The following RMDN2 variants were observed in gnomAD, a reference collection of about 807,000 sequenced individuals.
RMDN2 encodes regulator of microtubule dynamics 2, also known as regulator of microtubule dynamics protein 2.
A neutral mutation model predicts 52.8 loss-of-function variants in RMDN2; 61 were observed. That is an observed-to-expected ratio of 1.16 (90% confidence interval 0.94 to 1.43). The LOEUF (loss-of-function observed/expected upper bound fraction) is 1.43. Ranked by LOEUF, RMDN2 falls within the 40% of genes most tolerant of loss-of-function variation. The probability of loss-of-function intolerance (pLI) is 0.00; values close to 1 mark genes in which losing one functional copy is unlikely to be tolerated. For synonymous variants in RMDN2, 180 were observed against 153.1 expected, an observed-to-expected ratio of 1.18 and a Z score of -1.30; for missense variants, 592 against 475.3, an observed-to-expected ratio of 1.25 and a Z score of -2.28.
At chr2:37,957,204 T>C (rs1669593060) in intron 2 of RMDN2, among the ~76,000 whole-genome samples, 1 of 152,236 alleles carries the variant, frequency 6.6e-6, no homozygotes, top group African/African-American at 2.4e-5. Context: ...AATGTATTTC[T>C]AGTTCTAGAT....
intron 2 of RMDN2, among the ~76,000 whole-genome samples, chr2:37,932,827 ACCTC>A (rs1666912117): frequency 1.1e-5 from 1 of 87,738 alleles, no homozygotes; most frequent in African/African-American, 4.5e-5. Context: ...TGACCCCCCG[ACCTC>A]CCTCCCGGAC....
chr2:38,040,025 A>AT lies in RMDN2; in HGVS notation c.1714-26956dup, dbSNP rs544953093. Among the ~76,000 whole-genome samples, 471 of 148,822 alleles carry AT rather than the reference A, an allele frequency of 3.2e-3. 2 individuals are homozygous for AT. Among genetic ancestry groups the AT allele is most frequent in the Non-Finnish European group, 4.3e-3 (290 of 67,402 alleles). On this transcript the variant is annotated intron_variant, in intron 10 of 10. Coordinates refer to the RMDN2 transcript ENST00000234195. ...TTTTGAGTCAATGTTTTTGAACAGTATAAGGCCTGTGTCTAGATTCATTAT... is the reference window on the plus strand; with the variant it reads ...TTTTGAGTCAATGTTTTTGAACAGTATTAAGGCCTGTGTCTAGATTCATTAT...
At chr2:38,028,724 C>T (rs868287138) in intron 10 of RMDN2, among the ~76,000 whole-genome samples, 47 of 152,188 alleles carry the variant, frequency 3.1e-4, no homozygotes, top group Admixed American at 2.6e-4. Flanking sequence ...TTCCTACCCC[C>T]ATCTCACCTC....
At chr2:37,971,663 CA>C (rs1413231477) in intron 2 of RMDN2, among the ~76,000 whole-genome samples, 1 of 152,124 alleles carries the variant, frequency 6.6e-6, no homozygotes, top group African/African-American at 2.4e-5. Flanking sequence ...ACCACATTTT[CA>C]TATGCATGTG....
intron 2 of RMDN2, among the ~76,000 whole-genome samples, chr2:37,959,905 C>T (rs1487208530): frequency 6.6e-6 from 1 of 150,926 alleles, no homozygotes; most frequent in Non-Finnish European, 1.5e-5. Flanking sequence ...TGTTATTCAC[C>T]CAGTAGTGAT....
At chr2:37,977,712 C>G (rs1299896859) in intron 4 of RMDN2, among the ~76,000 whole-genome samples, 1 of 151,964 alleles carries the variant, frequency 6.6e-6, no homozygotes, top group African/African-American at 2.4e-5. Context: ...GCGCTCTTCA[C>G]ATCTCAGATG....
intron 10 of RMDN2, among the ~76,000 whole-genome samples, chr2:38,035,136 GAATA>G (rs929204322): frequency 6.6e-6 from 1 of 152,076 alleles, no homozygotes; most frequent in African/African-American, 2.4e-5. Context: ...AACAATAAAA[GAATA>G]AATATATAGA....
intron 2 of RMDN2, among the ~76,000 whole-genome samples, chr2:37,938,475 G>A (rs577061541): frequency 5.3e-5 from 8 of 152,120 alleles, no homozygotes; most frequent in African/African-American, 1.7e-4. Flanking sequence ...GAATGGTACC[G>A]CTCCACTTTG....
intron 4 of RMDN2, among the ~76,000 whole-genome samples, 194 bp downstream of exon 4, chr2:37,975,508 G>A (rs1672352687): frequency 6.6e-6 from 1 of 152,138 alleles, no homozygotes; most frequent in Admixed American, 6.6e-5. Flanking sequence ...GTTGAACAAT[G>A]AGAATACATG....
At chr2:37,939,569 G>T (rs1330373241) in intron 2 of RMDN2, among the ~76,000 whole-genome samples, 1 of 152,106 alleles carries the variant, frequency 6.6e-6, no homozygotes, top group Non-Finnish European at 1.5e-5. Context: ...ATGAATCTGG[G>T]TGCTCTTGTA....
In RMDN2 at chr2:37,974,105, G is replaced by A. The variant is rs573027668; in HGVS notation, c.518G>A (p.Arg173His). 6 of 1,612,652 alleles carry A rather than the reference G, an allele frequency of 3.7e-6. No individual in the cohort carries two copies. The highest frequency in any genetic ancestry group is 2.2e-5 in the South Asian group (2 of 91,012). ...CCAGTCCCTAAGGCATTTAACACAC[G>A]TGTAGAGGAATTAAATTTAGATGTC... ...SFPVPKAFNT[R>H]VEELNLDVLL... The change falls in exon 3 of 11, where the codon CGT becomes CAT. Residue 173 changes from arginine to histidine, a missense_variant. Coordinates refer to ENST00000354545, the MANE Select transcript of RMDN2 (RefSeq NM_001170791.3).
intron 2 of RMDN2, among the ~76,000 whole-genome samples, chr2:37,941,362 G>A (rs1364263941): frequency 1.3e-5 from 2 of 152,208 alleles, no homozygotes; most frequent in Admixed American, 1.3e-4. Context: ...CTGTCAGGAG[G>A]CACAGGGGTC....
intron 10 of RMDN2, among the ~76,000 whole-genome samples, chr2:38,025,767 T>G (rs574933769): frequency 2.8e-4 from 43 of 152,244 alleles, no homozygotes; most frequent in Middle Eastern, 3.4e-3. Flanking sequence ...TATTTGAATT[T>G]TAAAATATTA....
rs187242451 is a variant in RMDN2 at position 38,062,888 on chromosome 2, A to G, written c.1714-4094A>G. Among the ~76,000 whole-genome samples, 3 of 150,306 alleles carry G rather than the reference A, an allele frequency of 2.0e-5. No homozygotes were observed. The Admixed American group carries it at 2.0e-4, about 10-fold the overall frequency. ...CGGTGTTTGGTTTTTTGTCCCTGCC[A>G]TAGTTTGCTGAGAATGATGGTTTAC... On this transcript the variant is annotated intron_variant, in intron 10 of 10. Coordinates refer to the RMDN2 transcript ENST00000234195.
In RMDN2 at chr2:37,966,159, C is replaced by T. The variant is rs78992726; in HGVS notation, c.453-7881C>T. ...ATTTGTGGCCGGGCGTGGTGGCTCACGCCTGTAATCCCAGCACTTTGGGAG... is the reference window on the plus strand; with the variant it reads ...ATTTGTGGCCGGGCGTGGTGGCTCATGCCTGTAATCCCAGCACTTTGGGAG... On this transcript the variant is annotated intron_variant, in intron 2 of 10. Coordinates refer to ENST00000354545, the MANE Select transcript of RMDN2 (RefSeq NM_001170791.3). Among the ~76,000 whole-genome samples the T allele has an allele frequency of 1.6e-3, 245 of 152,200 alleles. 8 individuals carry two copies. The East Asian group carries it at 0.045, about 28-fold the overall frequency.
At chr2:38,036,152 C>T (rs1385756244) in intron 10 of RMDN2, 1 of 152,154 alleles carries the variant, frequency 6.6e-6, no homozygotes, top group Non-Finnish European at 1.5e-5. Context: ...GATCTCACCT[C>T]AGAGAGATCC....
At chr2:37,993,874 C>T (rs1675156616) in intron 7 of RMDN2, among the ~76,000 whole-genome samples, 1 of 152,054 alleles carries the variant, frequency 6.6e-6, no homozygotes, top group South Asian at 2.1e-4. Flanking sequence ...AAGGAGGAAA[C>T]GCTGCTAAGA....
intron 5 of RMDN2, among the ~76,000 whole-genome samples, chr2:37,988,755 T>C (rs1445687291): frequency 2.0e-5 from 3 of 152,206 alleles, no homozygotes; most frequent in African/African-American, 7.2e-5. Context: ...TCTGAAATAC[T>C]TCAAAGATTT....
At chr2:37,974,239 C>T (rs777346124) in intron 3 of RMDN2, 25 bp downstream of exon 3, 10 of 1,466,774 alleles carry the variant, frequency 6.8e-6, no homozygotes, top group Admixed American at 4.4e-5. Context: ...AATAGCACTT[C>T]GTATAGTTCC....
Sources: gnomAD v4.1 joint callset for allele counts (sites outside exome capture counted in the v4.1 genomes callset) on GRCh38, gnomAD v4.1.1 for gene constraint, MANE v1.5 for transcripts, NCBI Gene and HGNC (gene_info 2026-07-23, HGNC 2026-07-21) for gene names.